Variants in CDH4 observed in about 807,000 individuals in gnomAD.
The protein encoded by CDH4 is cadherin-4.
In CDH4, 33 loss-of-function variants were observed where a neutral mutation model predicts 86.0. That is an observed-to-expected ratio of 0.38 (90% confidence interval 0.29 to 0.51). CDH4 has a LOEUF of 0.51. Among genes scored for constraint, CDH4 ranks in the 20% least tolerant of loss-of-function variants. CDH4 has a pLI of 0.86. For missense variants in CDH4, 1,114 were observed against 1,307.4 expected, an observed-to-expected ratio of 0.85 and a Z score of 2.28; for synonymous variants, 555 against 549.4, an observed-to-expected ratio of 1.01 and a Z score of -0.14.
At chr20:61,576,157 G>A (rs958911748) in intron 2 of CDH4, among the ~76,000 whole-genome samples, 2 of 152,174 alleles carry the variant, frequency 1.3e-5, no homozygotes, top group African/African-American at 4.8e-5. Context: ...CACAGCTCCT[G>A]GTAGCGTGGC....
chr20:61,539,515 C>T (rs1476141772), intron 2 of CDH4, among the ~76,000 whole-genome samples: 6 of 152,284 alleles, frequency 3.9e-5, no homozygotes, highest in African/African-American at 7.2e-5. Context: ...CTTATAAGGA[C>T]GCCAGCCAGG....
chr20:61,276,340 T>C (rs1010132349), intron 2 of CDH4, among the ~76,000 whole-genome samples: 6 of 152,194 alleles, frequency 3.9e-5, no homozygotes, highest in African/African-American at 1.4e-4. Context: ...TTTATAGCAA[T>C]GTTGGGCTTA....
At chr20:61,646,264 C>T (rs1020034669) in intron 2 of CDH4, among the ~76,000 whole-genome samples, 1 of 152,144 alleles carries the variant, frequency 6.6e-6, no homozygotes, top group African/African-American at 2.4e-5. Context: ...GAAATTTAAA[C>T]CTCCTGACAC....
chr20:61,476,268 A>G (rs368653234), intron 2 of CDH4, among the ~76,000 whole-genome samples: 13 of 152,326 alleles, frequency 8.5e-5, no homozygotes, highest in Admixed American at 3.3e-4. Context: ...AAGCCCCTGG[A>G]AAGTGAGGAG....
chr20:61,348,636 T>C (rs1382161370), intron 2 of CDH4, among the ~76,000 whole-genome samples: 2 of 152,250 alleles, frequency 1.3e-5, no homozygotes, highest in Non-Finnish European at 2.9e-5. Flanking sequence ...TTATGTATCA[T>C]GATATCTTCT....
At chr20:61,610,542 G>A (rs1339687024) in intron 2 of CDH4, among the ~76,000 whole-genome samples, 2 of 152,096 alleles carry the variant, frequency 1.3e-5, no homozygotes, top group African/African-American at 4.8e-5. Context: ...GGGTCATAGA[G>A]CAGTTCCATT....
rs539467807 is a variant in CDH4, at chr20:61,535,533, T to G, written c.170-208030T>G. ...CCCAGAAAGCCTTTTAAGTAGAATGTTTTTAGAAATAAATTACATATGGGA... is the reference window on the plus strand; with the variant it reads ...CCCAGAAAGCCTTTTAAGTAGAATGGTTTTAGAAATAAATTACATATGGGA... On this transcript the variant is annotated intron_variant, in intron 2 of 15. Coordinates refer to ENST00000614565, the MANE Select transcript of CDH4 (RefSeq NM_001794.5). Among the ~76,000 whole-genome samples the G allele has an allele frequency of 3.3e-5, 5 of 152,378 alleles. No individual in the cohort carries two copies. The South Asian group carries it at 8.3e-4, about 25-fold the overall frequency.
intron 2 of CDH4, among the ~76,000 whole-genome samples, chr20:61,461,268 C>G (rs1362936552): frequency 6.6e-6 from 1 of 152,072 alleles, no homozygotes; most frequent in Non-Finnish European, 1.5e-5. Flanking sequence ...GGAAGACAGC[C>G]TTATGCGTTC....
rs771607545 is a variant in CDH4 at position 61,929,703 on chromosome 20, G to A, written c.2100G>A (p.Leu700=). The A allele has an allele frequency of 4.3e-5, 69 of 1,614,028 alleles. No homozygotes were observed. The highest frequency in any genetic ancestry group is 1.3e-4 in the East Asian group (6 of 44,878). Reference sequence around the variant, plus strand: ...TCACAGACTCTGGAAACCCTCCCCTGTCCAACACGTCCATCATCAAAGTCA... The same window carrying A: ...TCACAGACTCTGGAAACCCTCCCCTATCCAACACGTCCATCATCAAAGTCA... The part of the protein sequence containing the change: ...IIVTDSGNPP[L]SNTSIIKVKV... The change falls in exon 13 of 16, where the codon CTG becomes CTA. Residue 700 remains leucine (L), a synonymous_variant. Transcript: ENST00000614565.
chr20:61,420,797 C>T (rs1054903991), intron 2 of CDH4, among the ~76,000 whole-genome samples: 1 of 152,232 alleles, frequency 6.6e-6, no homozygotes, highest in African/African-American at 2.4e-5. Context: ...GCACAGAGCA[C>T]TGGTGAACAG....
chr20:61,365,299 C>T (rs2084805335), intron 2 of CDH4, among the ~76,000 whole-genome samples: 1 of 152,110 alleles, frequency 6.6e-6, no homozygotes, highest in Non-Finnish European at 1.5e-5. Context: ...TAAGTAAGTA[C>T]AAAGATGTCT....
intron 2 of CDH4, among the ~76,000 whole-genome samples, chr20:61,411,120 TTCCATCCATCCATCCATCCATCCA>T (rs11473075): frequency 1.4e-5 from 2 of 146,796 alleles, no homozygotes; most frequent in African/African-American, 5.1e-5. Context: ...CCGTCTTTCC[TTCCATCCATCCATCCATCCATCCA>T]TCCATCCATC....
At chr20:61,359,872 A>G (rs1203508576) in intron 2 of CDH4, among the ~76,000 whole-genome samples, 2 of 152,230 alleles carry the variant, frequency 1.3e-5, no homozygotes, top group African/African-American at 4.8e-5. Flanking sequence ...GTGATCAGCC[A>G]TAATAAACTC....
chr20:61,848,066 C>T (rs1395883929), intron 5 of CDH4, among the ~76,000 whole-genome samples: 2 of 152,280 alleles, frequency 1.3e-5, no homozygotes, highest in Non-Finnish European at 2.9e-5. Flanking sequence ...TGCTCAGCAC[C>T]AGGCTCTACC....
intron 2 of CDH4, among the ~76,000 whole-genome samples, chr20:61,515,979 C>G (rs1417068924): frequency 3.9e-5 from 6 of 152,088 alleles, no homozygotes; most frequent in Admixed American, 2.6e-4. Flanking sequence ...GGTTTCCTGG[C>G]TGCTCCAGGG....
intron 2 of CDH4, among the ~76,000 whole-genome samples, chr20:61,256,818 T>C (rs557873028): frequency 1.3e-5 from 2 of 152,378 alleles, no homozygotes; most frequent in South Asian, 4.1e-4. Context: ...TTGCTTCTCC[T>C]GCGCCTGTGT....
rs1204829219 is a variant in CDH4 at position 61,623,363 on chromosome 20, T to G, written c.170-120200T>G. Among the ~76,000 whole-genome samples, 2 of 152,136 alleles carry G rather than the reference T, an allele frequency of 1.3e-5. No individual in the cohort carries two copies. Among genetic ancestry groups the G allele is most frequent in the Non-Finnish European group, 2.9e-5 (2 of 68,022 alleles). ...GGTGACAGCTTCCTGTCTGTTACCT[T>G]TCCCCACCCCATCACAAAGCCCCCT... On this transcript the variant is annotated intron_variant, in intron 2 of 15. Coordinates refer to ENST00000614565, the MANE Select transcript of CDH4 (RefSeq NM_001794.5). The surrounding 1 kb of genome is among the most constrained non-coding windows in gnomAD (Gnocchi z 4.4).
At chr20:61,298,384 A>AC (rs35208622) in intron 2 of CDH4, among the ~76,000 whole-genome samples, 86,024 of 151,690 alleles carry the variant, frequency 0.57, 25,225 homozygotes, top group Admixed American at 0.65. Flanking sequence ...AGGGCTGAGG[A>AC]CCCACCACTC....
intron 2 of CDH4, among the ~76,000 whole-genome samples, chr20:61,352,106 TCTAA>T (rs750464954): frequency 6.6e-6 from 1 of 152,152 alleles, no homozygotes; most frequent in African/African-American, 2.4e-5. Context: ...CTTCATTCTT[TCTAA>T]CTTTTTCTGT....
Sources: gnomAD v4.1 joint callset for allele counts (sites outside exome capture counted in the v4.1 genomes callset) on GRCh38, gnomAD v4.1.1 for gene constraint, Gnocchi (gnomAD v3.1) non-coding constraint, MANE v1.5 for transcripts, NCBI Gene and HGNC (gene_info 2026-07-23, HGNC 2026-07-21) for gene names.